Variants in MED13L observed in about 807,000 individuals in gnomAD.
MED13L encodes mediator complex subunit 13L, also known as mediator of RNA polymerase II transcription subunit 13-like.
A neutral mutation model predicts 220.9 loss-of-function variants in MED13L; 7 were observed. The observed-to-expected ratio is 0.03, with a 90% CI of 0.02 to 0.06. The LOEUF (loss-of-function observed/expected upper bound fraction) is 0.06. Ranked by LOEUF, MED13L falls within the 10% of genes least tolerant of loss-of-function variation. The probability of loss-of-function intolerance (pLI) is 1.00; values close to 1 mark genes in which losing one functional copy is unlikely to be tolerated. For missense variants in MED13L, 1,965 were observed against 2,760.5 expected, an observed-to-expected ratio of 0.71 and a Z score of 6.46; for synonymous variants, 1,011 against 1,015.2, an observed-to-expected ratio of 1.00 and a Z score of 0.08.
chr12:115,995,757 T>C (rs1376361068), intron 16 of MED13L, among the ~76,000 whole-genome samples: 1 of 152,126 alleles, frequency 6.6e-6, no homozygotes, highest in Non-Finnish European at 1.5e-5. Flanking sequence ...AACACTTACA[T>C]TGGCCTACCA....
At position 116,272,238 on chromosome 12, in the gene MED13L, GA is replaced by G. The variant is rs551301340; in HGVS notation, c.72+4821del. ...ATAGCACTAGTACAAACTGGTGAGA[GA>G]GATCTCTGAAAGTGGTAAGGAATAC... On this transcript the variant is annotated intron_variant, in intron 1 of 30. Coordinates refer to ENST00000281928, the MANE Select transcript of MED13L (RefSeq NM_015335.5). 9.3e-4 allele frequency among the ~76,000 whole-genome samples: 142 copies of G among 152,274 alleles called. 1 individual carries two copies. The highest frequency in any genetic ancestry group is 3.3e-3 in the African/African-American group (139 of 41,562).
intron 4 of MED13L, among the ~76,000 whole-genome samples, chr12:116,077,450 A>G (rs918467224): frequency 2.6e-5 from 4 of 152,240 alleles, no homozygotes; most frequent in African/African-American, 9.6e-5. Context: ...TAGAGTGAAT[A>G]TAAAGTATCT....
At chr12:116,019,186 G>C (rs376763033) in intron 7 of MED13L, 38 bp downstream of exon 7, 1 of 1,592,368 alleles carries the variant, frequency 6.3e-7, no homozygotes. Flanking sequence ...AATTGTCTGA[G>C]ATCTCTTCTC....
At chr12:116,060,922 T>C (rs548612126) in intron 4 of MED13L, among the ~76,000 whole-genome samples, 1 of 152,308 alleles carries the variant, frequency 6.6e-6, no homozygotes, top group South Asian at 2.1e-4. Context: ...ATACATGGCA[T>C]CATCTTTAAA....
intron 5 of MED13L, among the ~76,000 whole-genome samples, chr12:116,021,737 A>G (rs1880072076): frequency 6.6e-6 from 1 of 152,196 alleles, no homozygotes; most frequent in African/African-American, 2.4e-5. Context: ...TGAACCAAAA[A>G]AAGATTGTTT....
chr12:116,031,201 AC>A (rs1880714812), intron 4 of MED13L, among the ~76,000 whole-genome samples: 2 of 152,268 alleles, frequency 1.3e-5, no homozygotes, highest in South Asian at 4.2e-4. Flanking sequence ...ATGGAGCAAA[AC>A]AAAGATAACT....
chr12:116,257,574 A>T (rs541202917), intron 1 of MED13L, among the ~76,000 whole-genome samples: 2 of 152,344 alleles, frequency 1.3e-5, no homozygotes, highest in African/African-American at 4.8e-5. Flanking sequence ...AAGAGCCCAG[A>T]TCCCTTGACA....
chr12:116,205,308 T>C (rs1882241499), intron 2 of MED13L, among the ~76,000 whole-genome samples: 1 of 152,088 alleles, frequency 6.6e-6, no homozygotes, highest in African/African-American at 2.4e-5. Flanking sequence ...AATACAAATT[T>C]TTTTCAAGTC....
At chr12:116,034,214 G>A (rs1459919633) in intron 4 of MED13L, among the ~76,000 whole-genome samples, 3 of 152,066 alleles carry the variant, frequency 2.0e-5, no homozygotes, top group Admixed American at 2.0e-4. Flanking sequence ...ACTAAATTTT[G>A]TGAGGACAGG....
intron 4 of MED13L, among the ~76,000 whole-genome samples, chr12:116,039,067 G>A (rs1385528005): frequency 6.6e-6 from 1 of 152,094 alleles, no homozygotes; most frequent in Non-Finnish European, 1.5e-5. Flanking sequence ...TTTATTTAAA[G>A]GAAGCTAGTA....
chr12:116,177,396 T>C (rs1218613774), intron 2 of MED13L, among the ~76,000 whole-genome samples: 2 of 152,220 alleles, frequency 1.3e-5, no homozygotes, highest in Non-Finnish European at 2.9e-5. Flanking sequence ...ATTGAGTCTC[T>C]GTCTCAGAAA....
chr12:116,135,389 C>T (rs867934472), intron 2 of MED13L, among the ~76,000 whole-genome samples: 1 of 152,204 alleles, frequency 6.6e-6, no homozygotes, highest in Non-Finnish European at 1.5e-5. Context: ...CATCCATGCC[C>T]TCACATGAGT....
chr12:116,252,523 A>G (rs1871646424), intron 1 of MED13L, among the ~76,000 whole-genome samples: 1 of 152,110 alleles, frequency 6.6e-6, no homozygotes, highest in South Asian at 2.1e-4. Flanking sequence ...TGGGTGACAG[A>G]GTGACAATGT....
chr12:115,985,109 C>A (rs1436305083), intron 19 of MED13L, among the ~76,000 whole-genome samples: 1 of 152,078 alleles, frequency 6.6e-6, no homozygotes, highest in East Asian at 1.9e-4. Context: ...GAATAAGCAA[C>A]CCTAGTGAAG....
Position 115,959,406 on chromosome 12 carries a change from T to C in MED13L, c.*1860A>G, listed in dbSNP as rs1022921303. ...CCCATTTAAAAAAAAAATTCAAAGTTCTGATGAATTCCGGGAAAAAAGCAA... is the reference window on the plus strand; with the variant it reads ...CCCATTTAAAAAAAAAATTCAAAGTCCTGATGAATTCCGGGAAAAAAGCAA... On this transcript the variant is annotated 3_prime_UTR_variant, in exon 31 of 31. Coordinates refer to ENST00000281928, the MANE Select transcript of MED13L (RefSeq NM_015335.5). 6.6e-6 allele frequency: 1 copy of C among 152,464 alleles called. No individual in the cohort carries two copies. 9.4% of individuals were successfully genotyped at this position (152,464 alleles called of 1,614,324 possible). A position where few individuals can be genotyped will look rare whatever the true frequency, so the allele number is the denominator to read the frequency against.
chr12:116,099,195 T>G (rs1593042365), intron 3 of MED13L, among the ~76,000 whole-genome samples: 1 of 152,308 alleles, frequency 6.6e-6, no homozygotes, highest in East Asian at 1.9e-4. Flanking sequence ...CAGGTATATC[T>G]GATCACAGAG....
intron 30 of MED13L, 120 bp from the exon 31 acceptor site, chr12:115,961,518 C>T: frequency 7.4e-7 from 1 of 1,357,968 alleles, no homozygotes; most frequent in Non-Finnish European, 1.0e-6. Context: ...CTTAACTTGC[C>T]CCAGGCTCTT....
At chr12:116,145,813 C>G (rs576744869) in intron 2 of MED13L, among the ~76,000 whole-genome samples, 1 of 152,062 alleles carries the variant, frequency 6.6e-6, no homozygotes, top group Non-Finnish European at 1.5e-5. Flanking sequence ...ATCTAGGTGA[C>G]AGCCACTGTG....
chr12:116,009,146 A>G lies in MED13L; in HGVS notation c.1281-14T>C. ...AAAAGCTTATGCCTAAAATGAGAGT[A>G]AACAATTACATCATTATAACATTAA... On this transcript the variant is annotated splice_polypyrimidine_tract_variant and intron_variant, in intron 9 of 30. Transcript: ENST00000281928. 1 of 1,613,866 alleles carries G rather than the reference A, an allele frequency of 6.2e-7. No homozygotes were observed. The highest frequency in any genetic ancestry group is 8.5e-7 in the Non-Finnish European group (1 of 1,179,880).
Sources: gnomAD v4.1 joint callset for allele counts (sites outside exome capture counted in the v4.1 genomes callset) on GRCh38, gnomAD v4.1.1 for gene constraint, MANE v1.5 for transcripts, NCBI Gene and HGNC (gene_info 2026-07-23, HGNC 2026-07-21) for gene names.